The following NLRP11 variants were observed in gnomAD, a reference collection of about 807,000 sequenced individuals.
NLRP11 encodes the protein NACHT, LRR and PYD domains-containing protein 11.
NLRP11 carries 53 observed loss-of-function variants against 79.3 expected under a neutral mutation model. The ratio of observed to expected loss-of-function variants is 0.67; its 90% CI spans 0.54 to 0.84. The LOEUF (loss-of-function observed/expected upper bound fraction) is 0.84, where lower values mean the gene tolerates loss of function less well. NLRP11 is among the 40% of genes least tolerant of loss of function. The pLI, the probability that NLRP11 is intolerant of heterozygous loss-of-function variation, is 0.00. For missense variants in NLRP11, 1,264 were observed against 1,255.0 expected (o/e 1.01, Z -0.11); for synonymous variants, 518 against 462.6 (o/e 1.12, Z -1.54).
chr19:55,821,205 T>TCACA lies in NLRP11; in HGVS notation c.-62-2973_-62-2970dup, dbSNP rs950312294. Among the ~76,000 whole-genome samples, 332 of 85,198 alleles carry TCACA rather than the reference T, an allele frequency of 3.9e-3. 3 individuals carry two copies. Among genetic ancestry groups the TCACA allele is most frequent in the Middle Eastern group, 6.5e-3 (1 of 154 alleles). The allele number at this position is 85,198 out of a possible 152,430, so 55.9% of individuals were successfully genotyped here. Reference sequence around the variant, plus strand: ...ATGTGACCAGCTCTCTCTCTCTCTCTCACACACACACACACACACACACAC... The same window carrying TCACA: ...ATGTGACCAGCTCTCTCTCTCTCTCTCACACACACACACACACACACACACACAC... On this transcript the variant is annotated intron_variant, in intron 1 of 9. Transcript: ENST00000589093.
exon 3 of NLRP11, chr19:55,809,000 T>A (rs1418460744): frequency 6.2e-7 from 1 of 1,614,178 alleles, no homozygotes; most frequent in South Asian, 1.1e-5. Context: ...CGTCAACTTT[T>A]CCGGGTCACG....
At chr19:55,791,349 G>A (rs1372825388) in intron 7 of NLRP11, among the ~76,000 whole-genome samples, 1 of 152,164 alleles carries the variant, frequency 6.6e-6, no homozygotes, top group African/African-American at 2.4e-5. Context: ...GTCAAAGGAA[G>A]CAAGATTCTA....
intron 1 of NLRP11, among the ~76,000 whole-genome samples, chr19:55,827,196 A>C (rs1236325370): frequency 2.2e-5 from 3 of 139,134 alleles, no homozygotes; most frequent in Non-Finnish European, 4.6e-5. Flanking sequence ...TGGTGCTGGG[A>C]AAACTGGCTA....
intron 4 of NLRP11, among the ~76,000 whole-genome samples, chr19:55,807,361 T>C (rs137934950): frequency 6.4e-4 from 97 of 152,304 alleles, no homozygotes; most frequent in Admixed American, 5.9e-4. Flanking sequence ...TTCTAACGCA[T>C]TCTGTAGGAA....
At chr19:55,836,135 T>C (rs2122975508), upstream of NLRP11, among the ~76,000 whole-genome samples, 1 of 152,266 alleles carries the variant, frequency 6.6e-6, no homozygotes, top group East Asian at 1.9e-4. Context: ...TAATAATTAA[T>C]AATTTCTTCT....
chr19:55,793,630 G>C lies in NLRP11; in HGVS notation c.2343-1159C>G, dbSNP rs1169432572. Among the ~76,000 whole-genome samples the C allele has an allele frequency of 3.4e-5, 5 of 148,198 alleles. No individual in the cohort carries two copies. In the Middle Eastern group the frequency reaches 0.014, roughly 417 times the overall value. On this transcript the variant is annotated intron_variant, in intron 6 of 9. Transcript: ENST00000589093. The stretch of plus-strand genomic sequence containing the variant: ...TATTGGTTGGAAATACTGAATCTTG[G>C]CTCTGGTATGGGAAAAGGGTACACT...
At chr19:55,796,238 A>G (rs1306664568) in exon 6 of NLRP11, 5 of 1,612,982 alleles carry the variant, frequency 3.1e-6, no homozygotes, top group Admixed American at 3.3e-5. Flanking sequence ...CTCGCAAATC[A>G]CATTTCATCA....
rs373915016 is a variant in NLRP11 at position 55,810,067 on chromosome 19, C to T, written c.543G>A (p.Ser181=). Residue 181 remains serine, a synonymous_variant, in exon 3 of 10, where the codon TCG becomes TCA. Coordinates refer to ENST00000589093, the Ensembl canonical transcript of NLRP11. ...CGTGAGCAGTGAGGTGAACGACGTA[C>T]GAGATCATGTTCTGCCACATCTCAC... The T allele has an allele frequency of 9.3e-6, 15 of 1,613,994 alleles. No homozygotes were observed. The Admixed American group carries it at 1.0e-4, about 11-fold the overall frequency.
At chr19:55,830,212 G>A (rs528594323) in intron 1 of NLRP11, among the ~76,000 whole-genome samples, 29 of 152,200 alleles carry the variant, frequency 1.9e-4, no homozygotes, top group South Asian at 6.2e-4. Flanking sequence ...GGATTAGTAA[G>A]TTAAGCCTCA....
exon 2 of NLRP11, chr19:55,818,211 A>AT (rs1981338791): frequency 6.4e-7 from 1 of 1,560,828 alleles, no homozygotes. Flanking sequence ...CAGAGAAGGG[A>AT]TTTTGAGGCA....
exon 5 of NLRP11, chr19:55,801,607 G>C (rs780699983): frequency 6.2e-7 from 1 of 1,614,110 alleles, no homozygotes; most frequent in Non-Finnish European, 8.5e-7. Flanking sequence ...GCTCGTGCAG[G>C]ATGTCATGCA....
At chr19:55,793,554 T>G (rs952673821) in intron 6 of NLRP11, among the ~76,000 whole-genome samples, 3 of 30,624 alleles carry the variant, frequency 9.8e-5, no homozygotes, top group Non-Finnish European at 1.7e-4. Context: ...GGTGACTGTC[T>G]CCAAAAAAAA....
chr19:55,806,019 G>C (rs1979953111), intron 4 of NLRP11, among the ~76,000 whole-genome samples: 1 of 152,106 alleles, frequency 6.6e-6, no homozygotes, highest in Non-Finnish European at 1.5e-5. Context: ...TCCTTCGTTG[G>C]GAAACTTGCC....
exon 10 of NLRP11, chr19:55,785,438 C>T (rs1052050058): frequency 7.1e-6 from 4 of 560,568 alleles, no homozygotes; most frequent in Non-Finnish European, 1.2e-5. Context: ...TTCATATAAT[C>T]CTTTTAATAC....
chr19:55,809,080 G>T lies in NLRP11; in HGVS notation c.1530C>A (p.Ser510=). The change falls in exon 3 of 10, where the codon TCC becomes TCA. Residue 510 remains serine, a synonymous_variant. Coordinates refer to ENST00000589093, the Ensembl canonical transcript of NLRP11. The surrounding 1 kb of genome is among the most constrained non-coding windows in gnomAD (Gnocchi z 4.5). ...CTACCATCGGTAGCTGGTATCCAAA[G>T]GATGTCTCAAGAATCTTTCTCCTGT... 2.5e-6 allele frequency: 4 copies of T among 1,613,790 alleles called. No homozygotes were observed. Among genetic ancestry groups the T allele is most frequent in the South Asian group, 2.2e-5 (2 of 91,072 alleles).
intron 1 of NLRP11, among the ~76,000 whole-genome samples, chr19:55,818,931 G>C (rs776942743): frequency 3.3e-5 from 5 of 152,028 alleles, no homozygotes; most frequent in Non-Finnish European, 7.4e-5. Context: ...ACAACCAATT[G>C]TTTTAAACAC....
intron 2 of NLRP11, among the ~76,000 whole-genome samples, chr19:55,811,774 T>C (rs1980626490): frequency 6.6e-6 from 1 of 152,200 alleles, no homozygotes; most frequent in South Asian, 2.1e-4. Flanking sequence ...AAAAAAATCT[T>C]TGGAAGATGT....
rs543036205 is a variant in NLRP11, at chr19:55,829,658, CAAAAAAAAAAAAA to C, written c.-63+2292_-63+2304del. Among the ~76,000 whole-genome samples the C allele has an allele frequency of 9.6e-5, 7 of 73,138 alleles. No individual in the cohort carries two copies. In the South Asian group the frequency reaches 3.1e-3, roughly 33 times the overall value. 48.0% of individuals were successfully genotyped at this position (73,138 alleles called of 152,430 possible). A position where few individuals can be genotyped will look rare whatever the true frequency, so the allele number is the denominator to read the frequency against. On this transcript the variant is annotated intron_variant, in intron 1 of 9. Coordinates refer to ENST00000589093, the Ensembl canonical transcript of NLRP11. Reference sequence around the variant, plus strand: ...CTCCAGCCTGGGCGAGACTCCGTCTCAAAAAAAAAAAAAAAAAAAAAAAAAAATCGTACTTTAA... The same window carrying C: ...CTCCAGCCTGGGCGAGACTCCGTCTCAAAAAAAAAAAAAATCGTACTTTAA...
At chr19:55,832,857 C>G (rs1982921305), upstream of NLRP11, 1 of 152,056 alleles carries the variant, frequency 6.6e-6, no homozygotes, top group Non-Finnish European at 1.5e-5. Flanking sequence ...TAAACAAGGC[C>G]TCCGTCACCA....
Sources: allele counts gnomAD v4.1 joint callset (sites outside exome capture counted in the v4.1 genomes callset), GRCh38; gene constraint gnomAD v4.1.1; non-coding constraint Gnocchi (gnomAD v3.1); transcripts MANE v1.5; gene names NCBI Gene and HGNC (gene_info 2026-07-23, HGNC 2026-07-21).